The following NALCN variants were observed in gnomAD, a reference collection of about 807,000 sequenced individuals.
NALCN encodes sodium leak channel NALCN.
In NALCN, 111 loss-of-function variants were observed where a neutral mutation model predicts 225.3. The observed-to-expected ratio is 0.49, with a 90% CI of 0.42 to 0.58. NALCN has a LOEUF of 0.58. Among genes scored for constraint, NALCN ranks in the 20% least tolerant of loss-of-function variants. The pLI, the probability that NALCN is intolerant of heterozygous loss-of-function variation, is 0.00. For missense variants in NALCN, 1,378 were observed against 2,202.4 expected (o/e 0.63, Z 7.49); for synonymous variants, 764 against 769.0 (o/e 0.99, Z 0.11).
chr13:101,283,950 C>A lies in NALCN; in HGVS notation c.1117G>T (p.Ala373Ser), dbSNP rs752215175. The A allele has an allele frequency of 2.5e-6, 4 of 1,612,866 alleles. No homozygotes were observed. Among genetic ancestry groups the A allele is most frequent in the Non-Finnish European group, 3.4e-6 (4 of 1,179,688 alleles). The change falls in exon 10 of 44, where the codon GCC becomes TCC. Residue 373 changes from alanine (A) to serine (S), a missense_variant. By Grantham distance (99) the Ala-to-Ser change is moderately conservative. Coordinates refer to ENST00000251127, the MANE Select transcript of NALCN (RefSeq NM_052867.4). ...TACTGCACCTGGAGGCAGGCTGGGG[C>A]GCGTCCCTGGGGCTTGTTGACATCC... Reference protein sequence around the residue: ...AVDVNKPQGRAPACLQKMMRS... With the variant: ...AVDVNKPQGRSPACLQKMMRS...
intron 3 of NALCN, 30 bp downstream of exon 3, chr13:101,395,153 T>G: frequency 6.3e-7 from 1 of 1,589,040 alleles, no homozygotes; most frequent in Non-Finnish European, 8.6e-7. Flanking sequence ...ACATTTAGGT[T>G]CTTAGTTTAA....
chr13:101,157,884 C>A (rs143119655), intron 15 of NALCN, among the ~76,000 whole-genome samples: 2,243 of 151,966 alleles, frequency 0.015, 60 homozygotes, highest in African/African-American at 0.052. Context: ...TCCTGAGTAG[C>A]TGGGATTATA....
At chr13:101,258,615 A>G (rs749440242) in intron 10 of NALCN, 41 bp from the exon 11 acceptor site, 6 of 1,612,752 alleles carry the variant, frequency 3.7e-6, no homozygotes, top group Non-Finnish European at 5.1e-6. Flanking sequence ...AAAGAAATAA[A>G]CCTCATGATT....
rs71292843 is a variant in NALCN, at chr13:101,143,469, C to CTTT, written c.1977-251_1977-249dup. Among the ~76,000 whole-genome samples the CTTT allele has an allele frequency of 5.6e-3, 825 of 147,300 alleles. 2 individuals carry two copies. The highest frequency in any genetic ancestry group is 8.4e-3 in the Non-Finnish European group (562 of 66,662). ...AGTAACCGATGGTAGTTTTTTGAAT[C>CTTT]TTTTTTTTTTTTGAGACGGAGTTTC... On this transcript the variant is annotated intron_variant, in intron 16 of 43. Coordinates refer to ENST00000251127, the MANE Select transcript of NALCN (RefSeq NM_052867.4).
In NALCN at chr13:101,361,532, A is replaced by C. The variant is rs79218726; in HGVS notation, c.644+15168T>G. Among the ~76,000 whole-genome samples the C allele has an allele frequency of 1.6e-4, 24 of 152,288 alleles. No individual in the cohort carries two copies. The East Asian group carries it at 4.0e-3, about 26-fold the overall frequency. On this transcript the variant is annotated intron_variant, in intron 6 of 43. Coordinates refer to ENST00000251127, the MANE Select transcript of NALCN (RefSeq NM_052867.4). ...ACACATGTTGAAGGAAGGTTATCTC[A>C]TACACTGAACAAGTTACAACTGAAA...
chr13:101,084,472 G>A (rs748760808), intron 30 of NALCN, among the ~76,000 whole-genome samples: 36 of 152,104 alleles, frequency 2.4e-4, no homozygotes, highest in Non-Finnish European at 5.9e-5. Context: ...CTTACCCAGA[G>A]CTAACCACTA....
chr13:101,329,894 C>T (rs889877493), intron 7 of NALCN, among the ~76,000 whole-genome samples: 3 of 151,694 alleles, frequency 2.0e-5, no homozygotes, highest in South Asian at 2.1e-4. Flanking sequence ...TAAAAATTAG[C>T]CGGGCGTGGT....
intron 6 of NALCN, among the ~76,000 whole-genome samples, chr13:101,346,124 C>G (rs945763594): frequency 2.1e-4 from 22 of 102,668 alleles, no homozygotes; most frequent in Admixed American, 4.6e-4. Context: ...ATGTTATTTG[C>G]AAAATTGTGT....
chr13:101,121,198 A>T (rs1470020341), intron 18 of NALCN, among the ~76,000 whole-genome samples: 1 of 152,046 alleles, frequency 6.6e-6, no homozygotes. Context: ...CCTACATTAG[A>T]TCTTCAGGGG....
intron 1 of NALCN, among the ~76,000 whole-genome samples, chr13:101,410,548 T>C (rs1412249763): frequency 6.6e-6 from 1 of 152,184 alleles, no homozygotes; most frequent in Non-Finnish European, 1.5e-5. Context: ...GAATTAAATT[T>C]TTGTTTTATA....
At chr13:101,300,397 T>TCCTTCCTG (rs1163993082) in intron 7 of NALCN, among the ~76,000 whole-genome samples, 4 of 145,516 alleles carry the variant, frequency 2.7e-5, no homozygotes, top group African/African-American at 1.0e-4. Context: ...CTTCCTTCCT[T>TCCTTCCTG]CCCTCCTTCC....
chr13:101,162,414 C>T (rs1566365004), intron 15 of NALCN, among the ~76,000 whole-genome samples: 1 of 152,154 alleles, frequency 6.6e-6, no homozygotes, highest in African/African-American at 2.4e-5. Context: ...ACATGAATTA[C>T]TTGAAAAAAG....
intron 3 of NALCN, among the ~76,000 whole-genome samples, chr13:101,388,432 A>T (rs1159476644): frequency 6.8e-6 from 1 of 146,180 alleles, no homozygotes; most frequent in Non-Finnish European, 1.5e-5. Flanking sequence ...ATAAAAAAAA[A>T]AATTTTGGTT....
chr13:101,210,041 C>A (rs1331889647), intron 13 of NALCN, among the ~76,000 whole-genome samples: 1 of 152,162 alleles, frequency 6.6e-6, no homozygotes, highest in Non-Finnish European at 1.5e-5. Context: ...ATACTGCAGA[C>A]CTCCATCTAA....
Position 101,284,032 on chromosome 13 carries a change from G to T in NALCN, c.1048-13C>A, listed in dbSNP as rs770726580. ...CTTCATGAAACATCTTCAAGACAAAGAAGGGAGATGAGTCAGAGACATTTA... is the reference window on the plus strand; with the variant it reads ...CTTCATGAAACATCTTCAAGACAAATAAGGGAGATGAGTCAGAGACATTTA... On this transcript the variant is annotated splice_polypyrimidine_tract_variant and intron_variant, in intron 9 of 43. Coordinates refer to ENST00000251127, the MANE Select transcript of NALCN (RefSeq NM_052867.4). 1 of 1,610,144 alleles carries T rather than the reference G, an allele frequency of 6.2e-7. No individual in the cohort carries two copies. Among genetic ancestry groups the T allele is most frequent in the Non-Finnish European group, 8.5e-7 (1 of 1,177,556 alleles).
chr13:101,089,795 C>A lies in NALCN; in HGVS notation c.3391-34G>T. 6.2e-7 allele frequency: 1 copy of A among 1,613,866 alleles called. No homozygotes were observed. The highest frequency in any genetic ancestry group is 8.5e-7 in the Non-Finnish European group (1 of 1,179,882). On this transcript the variant is annotated intron_variant, in intron 29 of 43. Coordinates refer to ENST00000251127, the MANE Select transcript of NALCN (RefSeq NM_052867.4). This position sits in a 1 kb window ranked among gnomAD's most constrained non-coding sequence, Gnocchi z 4.7. The stretch of plus-strand genomic sequence containing the variant: ...AGGAAAATATGGTTATTCATCAAAA[C>A]AAATGAAAGCTGCTCTTGAAGTGTT...
At chr13:101,176,144 G>A (rs979871282) in intron 15 of NALCN, among the ~76,000 whole-genome samples, 156 bp downstream of exon 15, 1 of 152,068 alleles carries the variant, frequency 6.6e-6, no homozygotes, top group Non-Finnish European at 1.5e-5. Context: ...GTTAATATTA[G>A]ATAAAAGTTA....
At chr13:101,415,057 A>G (rs2047895982) in intron 1 of NALCN, among the ~76,000 whole-genome samples, 1 of 151,272 alleles carries the variant, frequency 6.6e-6, no homozygotes, top group Admixed American at 6.6e-5. Context: ...GGAAGCCATG[A>G]TTTTTATTTA....
At chr13:101,358,207 A>G (rs2046119568) in intron 6 of NALCN, among the ~76,000 whole-genome samples, 1 of 152,186 alleles carries the variant, frequency 6.6e-6, no homozygotes, top group African/African-American at 2.4e-5. Context: ...TAGAAGTACT[A>G]AAGAGCTTAT....
Sources: allele counts gnomAD v4.1 joint callset (sites outside exome capture counted in the v4.1 genomes callset), GRCh38; gene constraint gnomAD v4.1.1; non-coding constraint Gnocchi (gnomAD v3.1); transcripts MANE v1.5; gene names NCBI Gene and HGNC (gene_info 2026-07-23, HGNC 2026-07-21).